ZFPM2: variants seen among roughly 807,000 people sequenced by gnomAD.
ZFPM2 encodes the protein zinc finger protein, FOG family member 2.
A neutral mutation model predicts 98.6 loss-of-function variants in ZFPM2; 20 were observed. That is an observed-to-expected ratio of 0.20 (90% CI 0.14 to 0.29). The LOEUF (loss-of-function observed/expected upper bound fraction) is 0.29. Ranked by LOEUF, ZFPM2 falls within the 10% of genes least tolerant of loss-of-function variation. The pLI is 1.00. For missense variants in ZFPM2, 1,310 were observed against 1,388.6 expected, an observed-to-expected ratio of 0.94 and a Z score of 0.90; for synonymous variants, 518 against 502.7, an observed-to-expected ratio of 1.03 and a Z score of -0.41.
intron 1 of ZFPM2, among the ~76,000 whole-genome samples, chr8:105,392,922 A>G (rs182119605): frequency 3.9e-5 from 6 of 152,152 alleles, no homozygotes; most frequent in African/African-American, 1.4e-4. Context: ...TCCAAGTTCT[A>G]TTTGAAGCTT....
intron 5 of ZFPM2, among the ~76,000 whole-genome samples, chr8:105,697,051 C>T (rs542459516): frequency 6.6e-6 from 1 of 152,242 alleles, no homozygotes; most frequent in East Asian, 1.9e-4. Context: ...ATTCTCTACC[C>T]AATTTTCTGT....
At chr8:105,418,801 A>G (rs11783971) in intron 1 of ZFPM2, 197,975 of 514,614 alleles carry the variant, frequency 0.38, 40,747 homozygotes, top group African/African-American at 0.64. Flanking sequence ...TCTTTACCAG[A>G]TAGTTAATTC....
intron 6 of ZFPM2, among the ~76,000 whole-genome samples, chr8:105,790,562 G>A (rs1370330446): frequency 2.0e-5 from 3 of 151,918 alleles, no homozygotes; most frequent in Non-Finnish European, 4.4e-5. Flanking sequence ...GCTTAGGATT[G>A]ACTTGGTGAT....
At chr8:105,333,115 A>AAAC (rs932320937) in intron 1 of ZFPM2, among the ~76,000 whole-genome samples, 3 of 151,786 alleles carry the variant, frequency 2.0e-5, no homozygotes, top group African/African-American at 7.2e-5. Context: ...AAACAAAGCA[A>AAAC]AACAACAACA....
chr8:105,732,352 T>G (rs1310254224), intron 5 of ZFPM2, among the ~76,000 whole-genome samples: 2 of 151,850 alleles, frequency 1.3e-5, no homozygotes, highest in African/African-American at 2.4e-5. Context: ...TGCGAATGAA[T>G]GTGAAAATGC....
chr8:105,701,733 A>G (rs1465731271), intron 5 of ZFPM2, among the ~76,000 whole-genome samples: 1 of 152,240 alleles, frequency 6.6e-6, no homozygotes, highest in African/African-American at 2.4e-5. Context: ...TATAGTCTTC[A>G]TGGTGATGAT....
Position 105,803,638 on chromosome 8 carries a change from A to T in ZFPM2, c.*100A>T. Reference sequence around the variant, plus strand: ...CTGTTTGAATTACATCTGGGCAATCAGGAGATAATTCATTATGGCTGAGTT... The same window carrying T: ...CTGTTTGAATTACATCTGGGCAATCTGGAGATAATTCATTATGGCTGAGTT... On this transcript the variant is annotated 3_prime_UTR_variant, in exon 8 of 8. Transcript: ENST00000407775. The T allele has an allele frequency of 8.4e-7, 1 of 1,190,066 alleles. No homozygotes were observed. The highest frequency in any genetic ancestry group is 1.2e-6 in the Non-Finnish European group (1 of 835,866). The allele number at this position is 1,190,066 out of a possible 1,614,324, so 73.7% of individuals were successfully genotyped here. A position where few individuals can be genotyped will look rare whatever the true frequency, so the allele number is the denominator to read the frequency against.
chr8:105,579,043 T>C (rs1196310140), intron 4 of ZFPM2, among the ~76,000 whole-genome samples: 1 of 152,116 alleles, frequency 6.6e-6, no homozygotes, highest in Admixed American at 6.6e-5. Flanking sequence ...ATACACTCTG[T>C]GGCATATAAT....
intron 2 of ZFPM2, among the ~76,000 whole-genome samples, chr8:105,424,703 G>C (rs1353705467): frequency 2.0e-5 from 3 of 152,156 alleles, no homozygotes; most frequent in Non-Finnish European, 4.4e-5. Flanking sequence ...ATACTTAATA[G>C]GACTGGCAGA....
chr8:105,392,379 T>C (rs1186501145), intron 1 of ZFPM2, among the ~76,000 whole-genome samples: 1 of 152,222 alleles, frequency 6.6e-6, no homozygotes, highest in Admixed American at 6.5e-5. Context: ...TAAATTAATC[T>C]AGGTAATTAT....
intron 5 of ZFPM2, among the ~76,000 whole-genome samples, chr8:105,637,271 A>G (rs191207640): frequency 1.1e-3 from 163 of 152,278 alleles, no homozygotes; most frequent in Admixed American, 3.5e-3. Flanking sequence ...CCACTGTTAA[A>G]TGATGAGTAA....
intron 5 of ZFPM2, among the ~76,000 whole-genome samples, chr8:105,659,242 A>G (rs1817344233): frequency 1.3e-5 from 2 of 152,170 alleles, no homozygotes; most frequent in African/African-American, 4.8e-5. Context: ...TAAATGGCTG[A>G]TATGTTAAAA....
At chr8:105,474,992 A>C (rs1316214913) in intron 3 of ZFPM2, among the ~76,000 whole-genome samples, 2 of 152,214 alleles carry the variant, frequency 1.3e-5, no homozygotes, top group Non-Finnish European at 2.9e-5. Flanking sequence ...GTCAAAATGA[A>C]AGAACATCCA....
At chr8:105,545,900 T>A (rs1814687029) in intron 3 of ZFPM2, among the ~76,000 whole-genome samples, 2 of 152,214 alleles carry the variant, frequency 1.3e-5, no homozygotes, top group South Asian at 4.1e-4. Context: ...AACTCTATAA[T>A]ATCAGGATAA....
At chr8:105,331,385 T>G (rs1472000346) in intron 1 of ZFPM2, among the ~76,000 whole-genome samples, 2 of 151,598 alleles carry the variant, frequency 1.3e-5, no homozygotes, top group African/African-American at 4.8e-5. Context: ...TTTGATGTTC[T>G]TTGACTCTTG....
In ZFPM2 at chr8:105,332,609, C is replaced by T. The variant is rs574852729; in HGVS notation, c.40+13628C>T. ...CCATGGGGATGGGGCAAATACAGAC[C>T]ATGGTCTCTCCCTTCAATTAGTGCA... On this transcript the variant is annotated intron_variant, in intron 1 of 7. Transcript: ENST00000407775. Among the ~76,000 whole-genome samples, 8 of 151,664 alleles carry T rather than the reference C, an allele frequency of 5.3e-5. No individual in the cohort carries two copies. The South Asian group carries it at 1.5e-3, about 28-fold the overall frequency.
chr8:105,718,208 T>C (rs191319048), intron 5 of ZFPM2, among the ~76,000 whole-genome samples: 100 of 152,066 alleles, frequency 6.6e-4, no homozygotes, highest in African/African-American at 2.2e-3. Flanking sequence ...TGCCATCTGG[T>C]GGCAGTTGCT....
chr8:105,783,210 GTTTTTTTTTT>G (rs753557703), intron 5 of ZFPM2, among the ~76,000 whole-genome samples: 3 of 88,926 alleles, frequency 3.4e-5, no homozygotes, highest in African/African-American at 8.6e-5. Flanking sequence ...TTTCTTTATG[GTTTTTTTTTT>G]TTTTTTTTTT....
At chr8:105,739,295 T>C (rs1263497994) in intron 5 of ZFPM2, among the ~76,000 whole-genome samples, 1 of 152,056 alleles carries the variant, frequency 6.6e-6, no homozygotes, top group Non-Finnish European at 1.5e-5. Context: ...TGGTAACGGA[T>C]ACAGATCAAA....
Sources: gnomAD v4.1 joint callset for allele counts (sites outside exome capture counted in the v4.1 genomes callset) on GRCh38, gnomAD v4.1.1 for gene constraint, MANE v1.5 for transcripts, NCBI Gene and HGNC (gene_info 2026-07-23, HGNC 2026-07-21) for gene names.